The following ITGBL1 variants were observed in gnomAD, a reference collection of about 807,000 sequenced individuals.
ITGBL1 encodes integrin subunit beta like 1.
A neutral mutation model predicts 68.5 loss-of-function variants in ITGBL1; 51 were observed. The ratio of observed to expected loss-of-function variants is 0.74; its 90% confidence interval spans 0.59 to 0.94. The LOEUF is 0.94. Among genes scored for constraint, ITGBL1 ranks in the 40% least tolerant of loss-of-function variants. ITGBL1 has a pLI of 0.00. For missense variants in ITGBL1, 649 were observed against 647.4 expected (o/e 1.00, Z -0.03); for synonymous variants, 209 against 227.3 (o/e 0.92, Z 0.72).
chr13:101,507,531 T>A (rs2049045794), intron 2 of ITGBL1, among the ~76,000 whole-genome samples: 1 of 152,174 alleles, frequency 6.6e-6, no homozygotes, highest in Non-Finnish European at 1.5e-5. Context: ...AAATACACAA[T>A]AATGTGAGGC....
At chr13:101,694,117 T>C (rs1263171143) in intron 8 of ITGBL1, among the ~76,000 whole-genome samples, 1 of 152,196 alleles carries the variant, frequency 6.6e-6, no homozygotes, top group African/African-American at 2.4e-5. Context: ...GATATTTAGT[T>C]CACAGATCGT....
chr13:101,491,921 T>C (rs1455923662), intron 2 of ITGBL1, among the ~76,000 whole-genome samples: 1 of 152,190 alleles, frequency 6.6e-6, no homozygotes, highest in Non-Finnish European at 1.5e-5. Context: ...CTGAGAATGG[T>C]GGTTTCCACC....
chr13:101,703,349 A>C (rs2034179390), intron 8 of ITGBL1, among the ~76,000 whole-genome samples: 2 of 152,232 alleles, frequency 1.3e-5, no homozygotes, highest in African/African-American at 4.8e-5. Flanking sequence ...CAAAAACATG[A>C]GGTCAGAAAA....
intron 7 of ITGBL1, among the ~76,000 whole-genome samples, chr13:101,613,712 T>C (rs985394890): frequency 2.0e-5 from 3 of 151,982 alleles, no homozygotes; most frequent in Admixed American, 2.0e-4. Flanking sequence ...ATGGAGGAGA[T>C]GAGGGCACTT....
chr13:101,557,527 T>G (rs1022619271), intron 2 of ITGBL1, among the ~76,000 whole-genome samples: 1 of 152,206 alleles, frequency 6.6e-6, no homozygotes, highest in African/African-American at 2.4e-5. Context: ...TTCTTAGAAT[T>G]CTAGATGTGA....
intron 8 of ITGBL1, among the ~76,000 whole-genome samples, chr13:101,697,564 G>T (rs2034031239): frequency 1.3e-5 from 2 of 152,150 alleles, no homozygotes; most frequent in South Asian, 4.1e-4. Context: ...AGACGAATGG[G>T]AACCCTGTAT....
chr13:101,561,635 T>C (rs2050101833), intron 2 of ITGBL1, among the ~76,000 whole-genome samples: 1 of 152,146 alleles, frequency 6.6e-6, no homozygotes, highest in Admixed American at 6.5e-5. Flanking sequence ...ACAAAGATAC[T>C]AATGACAGGG....
At chr13:101,665,959 T>G (rs2033205601) in intron 7 of ITGBL1, among the ~76,000 whole-genome samples, 1 of 152,142 alleles carries the variant, frequency 6.6e-6, no homozygotes, top group Non-Finnish European at 1.5e-5. Flanking sequence ...TATTGATCCT[T>G]GTAGCCAGGG....
chr13:101,715,412 T>C, intron 10 of ITGBL1, 151 bp from the exon 11 acceptor site: 1 of 656,300 alleles, frequency 1.5e-6, no homozygotes, highest in Non-Finnish European at 2.7e-6. Flanking sequence ...AGCTGCTTAA[T>C]AAGATGTAAT....
intron 8 of ITGBL1, among the ~76,000 whole-genome samples, chr13:101,701,319 G>A (rs1293149090): frequency 6.6e-6 from 1 of 152,098 alleles, no homozygotes; most frequent in African/African-American, 2.4e-5. Context: ...CAGATCATGA[G>A]GTCAGGAGAT....
chr13:101,671,437 G>GTTTTTT lies in ITGBL1; in HGVS notation c.1016-21144_1016-21139dup, dbSNP rs1491455482. On this transcript the variant is annotated intron_variant, in intron 7 of 10. Transcript: ENST00000376180. ...AAAAGTATACCTTTGTTTTTTTTTTGTTTTTTTTTGTTTTTTTTTGAGACG... is the reference window on the plus strand; with the variant it reads ...AAAAGTATACCTTTGTTTTTTTTTTGTTTTTTTTTTTTTTTGTTTTTTTTTGAGACG... Among the ~76,000 whole-genome samples, 14 of 102,842 alleles carry GTTTTTT rather than the reference G, an allele frequency of 1.4e-4. 1 individual carries two copies. Among genetic ancestry groups the GTTTTTT allele is most frequent in the East Asian group, 8.0e-4 (2 of 2,512 alleles). 67.5% of individuals were successfully genotyped at this position (102,842 alleles called of 152,430 possible).
chr13:101,560,879 C>G (rs187317313), intron 2 of ITGBL1, among the ~76,000 whole-genome samples: 4 of 152,180 alleles, frequency 2.6e-5, no homozygotes, highest in African/African-American at 7.2e-5. Flanking sequence ...CCTTGATGAA[C>G]TTATTTGCAA....
At chr13:101,572,402 A>T (rs2050287953) in intron 3 of ITGBL1, among the ~76,000 whole-genome samples, 1 of 152,076 alleles carries the variant, frequency 6.6e-6, no homozygotes, top group Admixed American at 6.6e-5. Flanking sequence ...CAGTGTGCAG[A>T]GCAGGGTGAG....
intron 2 of ITGBL1, among the ~76,000 whole-genome samples, chr13:101,560,300 A>G (rs1418372292): frequency 6.6e-6 from 1 of 152,192 alleles, no homozygotes; most frequent in African/African-American, 2.4e-5. Context: ...TAGGACACAA[A>G]ACAGGTTTTT....
rs769791379 is a variant in ITGBL1 at position 101,454,133 on chromosome 13, G to A, written c.316+33G>A. The A allele has an allele frequency of 3.4e-6, 5 of 1,462,080 alleles. No individual in the cohort carries two copies. The East Asian group carries it at 8.2e-5, about 24-fold the overall frequency. The allele number at this position is 1,462,080 out of a possible 1,614,324, so 90.6% of individuals were successfully genotyped here. ...GGCGGCGCTGTCTCCTCCCTCGGGAGGTCGAAACTCCTCTTCTGGGATTTC... is the reference window on the plus strand; with the variant it reads ...GGCGGCGCTGTCTCCTCCCTCGGGAAGTCGAAACTCCTCTTCTGGGATTTC... On this transcript the variant is annotated intron_variant, in intron 2 of 10. Transcript: ENST00000376180.
chr13:101,562,244 C>T (rs2050111587), intron 2 of ITGBL1, among the ~76,000 whole-genome samples: 1 of 148,610 alleles, frequency 6.7e-6, no homozygotes, highest in African/African-American at 2.6e-5. Flanking sequence ...AAATAATGCT[C>T]AATAAACAAA....
At chr13:101,506,634 A>G (rs2139098657) in intron 2 of ITGBL1, among the ~76,000 whole-genome samples, 1 of 152,306 alleles carries the variant, frequency 6.6e-6, no homozygotes, top group South Asian at 2.1e-4. Flanking sequence ...ACATTTCCAT[A>G]TGAAGAGTGA....
At position 101,583,240 on chromosome 13, in the gene ITGBL1, C is replaced by G; in HGVS notation, c.752C>G (p.Thr251Ser). The G allele has an allele frequency of 6.2e-7, 1 of 1,613,164 alleles. No homozygotes were observed. The highest frequency in any genetic ancestry group is 2.2e-5 in the East Asian group (1 of 44,838). ...NRGTCVCGECTCHDVDPTGDW... is the reference protein window; with the variant it reads ...NRGTCVCGECSCHDVDPTGDW... Reference sequence around the variant, plus strand: ...GGGACTTGTGTATGTGGTGAATGTACCTGTCACGATGTTGATCCGACTGGG... The same window carrying G: ...GGGACTTGTGTATGTGGTGAATGTAGCTGTCACGATGTTGATCCGACTGGG... The change falls in exon 6 of 11, where the codon ACC (threonine) becomes AGC (serine). Residue 251 changes from threonine to serine, a missense_variant. Physicochemically the swap from Thr to Ser is moderately conservative, Grantham distance 58. Transcript: ENST00000376180.
chr13:101,514,397 G>A (rs1947836193), intron 2 of ITGBL1, among the ~76,000 whole-genome samples: 1 of 152,050 alleles, frequency 6.6e-6, no homozygotes, highest in African/African-American at 2.4e-5. Context: ...CTTTAGAAGT[G>A]CATAAACACT....
Sources: gnomAD v4.1 joint callset for allele counts (sites outside exome capture counted in the v4.1 genomes callset) on GRCh38, gnomAD v4.1.1 for gene constraint, MANE v1.5 for transcripts, NCBI Gene and HGNC (gene_info 2026-07-23, HGNC 2026-07-21) for gene names.